ZKSCAN2: variants seen among roughly 807,000 people sequenced by gnomAD.
The protein encoded by ZKSCAN2 is zinc finger protein with KRAB and SCAN domains 2.
In ZKSCAN2, 38 loss-of-function variants were observed where a neutral mutation model predicts 90.5. That is an observed-to-expected ratio of 0.42 (90% confidence interval 0.32 to 0.55). The LOEUF (loss-of-function observed/expected upper bound fraction) is 0.55, where lower values mean the gene tolerates loss of function less well. Ranked by LOEUF, ZKSCAN2 falls within the 20% of genes least tolerant of loss-of-function variation. ZKSCAN2 has a pLI of 0.11. For synonymous variants in ZKSCAN2, 429 were observed against 421.6 expected (o/e 1.02, Z -0.22); for missense variants, 1,167 against 1,202.6 (o/e 0.97, Z 0.44).
chr16:25,244,352 A>G (rs1156400087), intron 5 of ZKSCAN2, 76 bp from the exon 6 acceptor site: 1 of 1,481,712 alleles, frequency 6.7e-7, no homozygotes, highest in African/African-American at 1.4e-5. Context: ...ACATTAAGAA[A>G]TGTAGAGGTA....
At chr16:25,242,667 T>G (rs1370681969) in intron 6 of ZKSCAN2, among the ~76,000 whole-genome samples, 1 of 152,172 alleles carries the variant, frequency 6.6e-6, no homozygotes, top group Non-Finnish European at 1.5e-5. Context: ...TGAAAGAGCT[T>G]GAGGTGCATG....
chr16:25,241,693 T>C (rs1962856821), intron 6 of ZKSCAN2, among the ~76,000 whole-genome samples: 1 of 152,202 alleles, frequency 6.6e-6, no homozygotes, highest in Non-Finnish European at 1.5e-5. Flanking sequence ...AGGTTAATCC[T>C]TGTTCTTAAG....
In ZKSCAN2 at chr16:25,243,293, G is replaced by A. The variant is rs1446564723; in HGVS notation, c.1981+492C>T. On this transcript the variant is annotated intron_variant, in intron 6 of 6. Coordinates refer to ENST00000328086, the MANE Select transcript of ZKSCAN2 (RefSeq NM_001012981.5). ...AACCCAAGGACTGAGTCACTCTAAC[G>A]TGAGTTCCTCCTTTGAATAGAAGCA... Among the ~76,000 whole-genome samples the A allele has an allele frequency of 4.6e-5, 7 of 152,152 alleles. No individual in the cohort carries two copies. The East Asian group carries it at 5.8e-4, about 13-fold the overall frequency.
rs190221972 is a variant in ZKSCAN2, at chr16:25,236,938, T to C, written c.*2878A>G. 10 of 152,598 alleles carry C rather than the reference T, an allele frequency of 6.6e-5. No homozygotes were observed. In the East Asian group the frequency reaches 1.7e-3, roughly 27 times the overall value. 9.5% of individuals were successfully genotyped at this position (152,598 alleles called of 1,614,324 possible). A position where few individuals can be genotyped will look rare whatever the true frequency, so the allele number is the denominator to read the frequency against. ...TAAGATGAAATTAAATAAATATAGG[T>C]TGGGGTAGTTGGTTGAGGTGGGCTG... On this transcript the variant is annotated 3_prime_UTR_variant, in exon 7 of 7. Transcript: ENST00000328086.
intron 1 of ZKSCAN2, among the ~76,000 whole-genome samples, chr16:25,256,464 A>G (rs1486358909): frequency 6.6e-6 from 1 of 152,084 alleles, no homozygotes; most frequent in Non-Finnish European, 1.5e-5. Context: ...TATGCCAAAG[A>G]TGACGATAAA....
chr16:25,243,757 A>C, intron 6 of ZKSCAN2, 28 bp downstream of exon 6: 2 of 1,570,832 alleles, frequency 1.3e-6, no homozygotes, highest in Non-Finnish European at 1.7e-6. Flanking sequence ...CCTCTTTTGG[A>C]CTAAAACTCC....
rs765652025 is a variant in ZKSCAN2 at position 25,255,223 on chromosome 16, C to T, written c.569G>A (p.Arg190Gln). 3.1e-6 allele frequency: 5 copies of T among 1,607,116 alleles called. No individual in the cohort carries two copies. Among genetic ancestry groups the T allele is most frequent in the East Asian group, 2.2e-5 (1 of 44,790 alleles). ...QEQLNRKRER[R>Q]PLPKNARPSP... is the part of the protein sequence containing the mutation. The stretch of plus-strand genomic sequence containing the variant: ...CCTCTTACCATTCTTGGGTAAGGGC[C>T]GACGTTCTCGCTTTCGGTTCAGCTG... The change falls in exon 2 of 7, where the codon CGG becomes CAG. Residue 190 changes from arginine (R) to glutamine (Q), a missense_variant. Coordinates refer to ENST00000328086, the MANE Select transcript of ZKSCAN2 (RefSeq NM_001012981.5).
At chr16:25,246,010 T>G (rs1962928433) in intron 5 of ZKSCAN2, among the ~76,000 whole-genome samples, 1 of 152,174 alleles carries the variant, frequency 6.6e-6, no homozygotes, top group African/African-American at 2.4e-5. Context: ...TAATTGGCGA[T>G]TTAATTCTGC....
chr16:25,249,524 C>T (rs763469037), intron 4 of ZKSCAN2, among the ~76,000 whole-genome samples: 1 of 152,060 alleles, frequency 6.6e-6, no homozygotes, highest in Non-Finnish European at 1.5e-5. Flanking sequence ...CCTTGTGATC[C>T]GCCCACCTCA....
intron 3 of ZKSCAN2, 52 bp downstream of exon 3, chr16:25,252,894 G>A (rs1963042111): frequency 6.9e-7 from 1 of 1,445,630 alleles, no homozygotes; most frequent in Non-Finnish European, 9.7e-7. Context: ...CTCCACCGTG[G>A]GTGACAGAGT....
rs760380769 is a variant in ZKSCAN2, at chr16:25,247,149, C to CT, written c.1046dup (p.Thr350AspfsTer13). ...ACTCTTTGAGAATTGCCAGGAAAGT[C>CT]TTTGTTTCCTCATAGCTCCAATGCA... On this transcript the variant is annotated frameshift_variant, in exon 5 of 7. Transcript: ENST00000328086. LOFTEE classifies it high-confidence loss of function. The CT allele has an allele frequency of 6.2e-7, 1 of 1,614,182 alleles. No individual in the cohort carries two copies. Among genetic ancestry groups the CT allele is most frequent in the South Asian group, 1.1e-5 (1 of 91,084 alleles).
intron 1 of ZKSCAN2, 39 bp from the exon 2 acceptor site, chr16:25,255,431 A>G (rs778018326): frequency 1.3e-6 from 2 of 1,581,188 alleles, no homozygotes; most frequent in Non-Finnish European, 1.7e-6. Flanking sequence ...GGAGTAAAAC[A>G]GGCCCATATC....
At chr16:25,245,665 C>G (rs1237239377) in intron 5 of ZKSCAN2, among the ~76,000 whole-genome samples, 1 of 151,484 alleles carries the variant, frequency 6.6e-6, no homozygotes, top group Non-Finnish European at 1.5e-5. Context: ...ACTTAGGAGG[C>G]TGAGGCAGGA....
chr16:25,246,845 C>T lies in ZKSCAN2; in HGVS notation c.1351G>A (p.Ala451Thr), dbSNP rs1392497299. 1.9e-6 allele frequency: 3 copies of T among 1,614,102 alleles called. No individual in the cohort carries two copies. The highest frequency in any genetic ancestry group is 2.2e-5 in the East Asian group (1 of 44,904). ...MIPVPRLKRI[A>T]ISAKEHISLV... ...CTGATGTGTTCCTTAGCACTGATGGCAATTCTCTTCAGTCTGGGGACAGGT... is the reference window on the plus strand; with the variant it reads ...CTGATGTGTTCCTTAGCACTGATGGTAATTCTCTTCAGTCTGGGGACAGGT... Residue 451 changes from alanine to threonine, a missense_variant, in exon 5 of 7, where the codon GCC (alanine) becomes ACC (threonine). Physicochemically the swap from Ala to Thr is moderately conservative, Grantham distance 58. Transcript: ENST00000328086.
chr16:25,252,991 G>A lies in ZKSCAN2; in HGVS notation c.633C>T (p.Thr211=). 2 of 1,614,002 alleles carry A rather than the reference G, an allele frequency of 1.2e-6. No individual in the cohort carries two copies. Among genetic ancestry groups the A allele is most frequent in the Non-Finnish European group, 1.7e-6 (2 of 1,179,948 alleles). ...GTGTGGTTGTCACTTCCTGATCTAG[G>A]GTATTCCATTCATCAGCAAGGGCAG... is the stretch of plus-strand genomic sequence containing the variant. The part of the protein sequence containing the change: ...WVPALADEWN[T]LDQEVTTTRL... Residue 211 remains threonine, a synonymous_variant, in exon 3 of 7, where the codon ACC becomes ACT. Transcript: ENST00000328086.
rs763245494 is a variant in ZKSCAN2, at chr16:25,244,137, G to A, written c.1629C>T (p.Phe543=). 3.1e-6 allele frequency: 5 copies of A among 1,614,078 alleles called. No homozygotes were observed. Among genetic ancestry groups the A allele is most frequent in the Non-Finnish European group, 8.5e-7 (1 of 1,180,006 alleles). Residue 543 remains phenylalanine, a synonymous_variant, in exon 6 of 7, where the codon TTC becomes TTT. Transcript: ENST00000328086. ...TTCGGCACTGTTCTGGTGTCCGGAG[G>A]AAGCCGCACTCTCGAAGCTGTTCAG... is the stretch of plus-strand genomic sequence containing the variant. ...AVAEQLRECG[F]LRTPEQCRTK...
At chr16:25,256,330 G>C (rs1963101290) in intron 1 of ZKSCAN2, among the ~76,000 whole-genome samples, 1 of 144,194 alleles carries the variant, frequency 6.9e-6, no homozygotes, top group South Asian at 2.2e-4. Flanking sequence ...CTGGGATAAC[G>C]GATGAAGTCT....
At chr16:25,240,936 GA>G (rs907800252) in intron 6 of ZKSCAN2, among the ~76,000 whole-genome samples, 198 bp from the exon 7 acceptor site, 1 of 152,136 alleles carries the variant, frequency 6.6e-6, no homozygotes, top group Non-Finnish European at 1.5e-5. Flanking sequence ...TAGGCCTTAA[GA>G]AATGTTTCCT....
At chr16:25,247,771 C>A (rs1207386495) in intron 4 of ZKSCAN2, among the ~76,000 whole-genome samples, 1 of 152,078 alleles carries the variant, frequency 6.6e-6, no homozygotes, top group African/African-American at 2.4e-5. Context: ...CCATGCCCAC[C>A]CCAACATACA....
Sources: allele counts gnomAD v4.1 joint callset (sites outside exome capture counted in the v4.1 genomes callset), GRCh38; gene constraint gnomAD v4.1.1; transcripts MANE v1.5; gene names NCBI Gene and HGNC (gene_info 2026-07-23, HGNC 2026-07-21).